EPHB1: variants seen among roughly 807,000 people sequenced by gnomAD.
The protein encoded by EPHB1 is EPH receptor B1.
EPHB1 carries 30 observed loss-of-function variants against 94.4 expected under a neutral mutation model. The observed-to-expected ratio is 0.32, with a 90% CI of 0.24 to 0.43. EPHB1 has a LOEUF of 0.43. Ranked by LOEUF, EPHB1 falls within the 20% of genes least tolerant of loss-of-function variation. EPHB1 has a pLI of 1.00. For missense variants in EPHB1, 1,055 were observed against 1,308.3 expected, an observed-to-expected ratio of 0.81 and a Z score of 2.99; for synonymous variants, 522 against 489.1, an observed-to-expected ratio of 1.07 and a Z score of -0.89.
At chr3:135,196,782 C>T (rs1359060825) in intron 11 of EPHB1, among the ~76,000 whole-genome samples, 1 of 152,118 alleles carries the variant, frequency 6.6e-6, no homozygotes, top group Non-Finnish European at 1.5e-5. Flanking sequence ...GGTTCTAGCC[C>T]TGAATCAGCA....
chr3:134,985,453 C>T (rs141572018), intron 3 of EPHB1, among the ~76,000 whole-genome samples: 3 of 152,298 alleles, frequency 2.0e-5, no homozygotes, highest in East Asian at 1.9e-4. Context: ...CCACCATGCC[C>T]GGCCGGTGGG....
intron 1 of EPHB1, chr3:134,852,709 G>C (rs2037017291): frequency 1.3e-5 from 2 of 152,064 alleles, no homozygotes; most frequent in Admixed American, 1.3e-4. Flanking sequence ...GTGTGAAAGA[G>C]AGAAAGATAC....
chr3:135,062,000 T>A (rs1263587313), intron 3 of EPHB1, among the ~76,000 whole-genome samples: 1 of 152,212 alleles, frequency 6.6e-6, no homozygotes, highest in Non-Finnish European at 1.5e-5. Context: ...TCTATCATTG[T>A]TGGACATTTG....
intron 3 of EPHB1, among the ~76,000 whole-genome samples, chr3:135,055,867 G>A (rs1350470939): frequency 6.6e-6 from 1 of 152,136 alleles, no homozygotes; most frequent in African/African-American, 2.4e-5. Flanking sequence ...CTTTAGGAAG[G>A]CTCTTTCCTA....
At chr3:135,001,185 A>G (rs1279215278) in intron 3 of EPHB1, among the ~76,000 whole-genome samples, 1 of 152,130 alleles carries the variant, frequency 6.6e-6, no homozygotes, top group Non-Finnish European at 1.5e-5. Context: ...GTGAAGCATG[A>G]ACAGCCAGGC....
intron 1 of EPHB1, among the ~76,000 whole-genome samples, chr3:134,825,970 G>A (rs35520698): frequency 0.14 from 20,934 of 151,636 alleles, 1,744 homozygotes; most frequent in African/African-American, 0.23. Flanking sequence ...GACTGGGTGC[G>A]GTGGCTCACA....
chr3:135,085,834 G>A (rs1052038574), intron 3 of EPHB1, among the ~76,000 whole-genome samples: 3 of 152,220 alleles, frequency 2.0e-5, no homozygotes, highest in African/African-American at 7.2e-5. Flanking sequence ...AGGGAGTGCT[G>A]TGGGTTTGAA....
chr3:135,052,909 ATGTGTGTGTGTGTGTGTG>A (rs745760849), intron 3 of EPHB1, among the ~76,000 whole-genome samples: 1 of 68,894 alleles, frequency 1.5e-5, no homozygotes, highest in Non-Finnish European at 2.6e-5. Context: ...ATATATATAT[ATGTGTGTGTGTGTGTGTG>A]TGTGTATATA....
chr3:134,892,416 G>T (rs1412086915), intron 1 of EPHB1, among the ~76,000 whole-genome samples: 1 of 152,240 alleles, frequency 6.6e-6, no homozygotes, highest in African/African-American at 2.4e-5. Context: ...AGGCTGGGAT[G>T]CATACTTGCA....
chr3:134,953,524 A>G (rs1933122194), intron 3 of EPHB1, among the ~76,000 whole-genome samples: 1 of 152,208 alleles, frequency 6.6e-6, no homozygotes, highest in South Asian at 2.1e-4. Context: ...ATGGGTCACT[A>G]TCTTTGCCAT....
At chr3:135,109,890 A>C (rs1417867136) in intron 4 of EPHB1, among the ~76,000 whole-genome samples, 1 of 152,198 alleles carries the variant, frequency 6.6e-6, no homozygotes, top group Non-Finnish European at 1.5e-5. Flanking sequence ...ACACTGAGAC[A>C]CACTTCCTTC....
chr3:135,179,998 G>A lies in EPHB1; in HGVS notation c.1882+16G>A. On this transcript the variant is annotated intron_variant, in intron 10 of 15. Transcript: ENST00000398015. ...ATCGGAGCAGGTATGGCTCTTCCCTGTCTTGTTTCTGTTCTCCTGGTGTCC... is the reference window on the plus strand; with the variant it reads ...ATCGGAGCAGGTATGGCTCTTCCCTATCTTGTTTCTGTTCTCCTGGTGTCC... The A allele has an allele frequency of 6.2e-7, 1 of 1,613,352 alleles. No individual in the cohort carries two copies. The highest frequency in any genetic ancestry group is 8.5e-7 in the Non-Finnish European group (1 of 1,179,474).
intron 1 of EPHB1, among the ~76,000 whole-genome samples, chr3:134,905,146 C>T (rs1424335228): frequency 1.3e-5 from 2 of 152,218 alleles, no homozygotes; most frequent in East Asian, 1.9e-4. Context: ...TCAGTACCCA[C>T]CTCCAGTGCA....
At chr3:134,838,045 C>A (rs962007542) in intron 1 of EPHB1, among the ~76,000 whole-genome samples, 1 of 152,126 alleles carries the variant, frequency 6.6e-6, no homozygotes. Context: ...GTGGGCTCAG[C>A]TCCAGGATTA....
Position 135,005,278 on chromosome 3 carries a change from A to AG in EPHB1, c.805+53229dup, listed in dbSNP as rs1043694954. 8.1e-3 allele frequency among the ~76,000 whole-genome samples: 1,239 copies of AG among 152,374 alleles called. 21 individuals carry two copies. The highest frequency in any genetic ancestry group is 0.027 in the African/African-American group (1,140 of 41,586). On this transcript the variant is annotated intron_variant, in intron 3 of 15. Transcript: ENST00000398015. ...CTCCCAGTTAGGCTGGTCAGGGGTCAGGGTCAGGGACCCACTTGAGGAGGC... is the reference window on the plus strand; with the variant it reads ...CTCCCAGTTAGGCTGGTCAGGGGTCAGGGGTCAGGGACCCACTTGAGGAGGC...
chr3:134,950,743 C>G (rs978421146), intron 2 of EPHB1, among the ~76,000 whole-genome samples: 1 of 152,192 alleles, frequency 6.6e-6, no homozygotes, highest in African/African-American at 2.4e-5. Flanking sequence ...CAGGCCCCAC[C>G]TCCAACATTG....
chr3:135,071,149 A>C (rs1052138924), intron 3 of EPHB1, among the ~76,000 whole-genome samples: 25 of 152,188 alleles, frequency 1.6e-4, no homozygotes, highest in Non-Finnish European at 3.1e-4. Context: ...CTATGGCACA[A>C]GGCTTTTAAA....
intron 3 of EPHB1, among the ~76,000 whole-genome samples, chr3:135,024,894 C>T (rs1025322032): frequency 6.6e-6 from 1 of 151,350 alleles, no homozygotes; most frequent in African/African-American, 2.4e-5. Context: ...ATCTCTTGCC[C>T]CTTTCTATAT....
At position 135,259,129 on chromosome 3, in the gene EPHB1, G is replaced by C. The variant is rs1933541823; in HGVS notation, c.*9G>C. On this transcript the variant is annotated 3_prime_UTR_variant, in exon 16 of 16. Coordinates refer to ENST00000398015, the MANE Select transcript of EPHB1 (RefSeq NM_004441.5). Reference sequence around the variant, plus strand: ...CAACGGCAATGGCATGAGAACTCTTGTTTCTTGGGGAAGGAGAGGAGGGAA... The same window carrying C: ...CAACGGCAATGGCATGAGAACTCTTCTTTCTTGGGGAAGGAGAGGAGGGAA... The C allele has an allele frequency of 6.3e-7, 1 of 1,596,574 alleles. No homozygotes were observed. Among genetic ancestry groups the C allele is most frequent in the East Asian group, 2.2e-5 (1 of 44,484 alleles).
Sources: gnomAD v4.1 joint callset for allele counts (sites outside exome capture counted in the v4.1 genomes callset) on GRCh38, gnomAD v4.1.1 for gene constraint, MANE v1.5 for transcripts, NCBI Gene and HGNC (gene_info 2026-07-23, HGNC 2026-07-21) for gene names.